Variants in IL1RAPL2 observed in about 807,000 individuals in gnomAD.
IL1RAPL2 encodes the protein X-linked interleukin-1 receptor accessory protein-like 2.
Under a neutral mutation model 44.1 loss-of-function variants are expected in IL1RAPL2, and 3 were observed. The ratio of observed to expected loss-of-function variants is 0.07; its 90% confidence interval spans 0.03 to 0.18. The LOEUF (loss-of-function observed/expected upper bound fraction) is 0.18. IL1RAPL2 is among the 10% of genes least tolerant of loss of function. The probability of loss-of-function intolerance (pLI) is 1.00; values close to 1 mark genes in which losing one functional copy is unlikely to be tolerated. For synonymous variants in IL1RAPL2, 181 were observed against 178.8 expected, an observed-to-expected ratio of 1.01 and a Z score of -0.10; for missense variants, 391 against 496.4, an observed-to-expected ratio of 0.79 and a Z score of 2.02.
chrX:105,696,631 T>C (rs2038078656), intron 6 of IL1RAPL2, among the ~76,000 whole-genome samples: 1 of 111,138 alleles, frequency 9.0e-6, no homozygotes, highest in African/African-American at 3.3e-5. Context: ...AATCCATCCA[T>C]GAGGGAATTT....
intron 2 of IL1RAPL2, among the ~76,000 whole-genome samples, chrX:105,086,005 G>C (rs2032474798): frequency 9.0e-6 from 1 of 111,399 alleles, no homozygotes; most frequent in Admixed American, 9.6e-5. Context: ...AGGAGGAAGA[G>C]GAGGGGGTTG....
chrX:104,693,188 T>C (rs1201816983), intron 2 of IL1RAPL2, among the ~76,000 whole-genome samples: 1 of 112,041 alleles, frequency 8.9e-6, no homozygotes, highest in Non-Finnish European at 1.9e-5. Context: ...CATCTCTTTT[T>C]CGTCATCATC....
intron 6 of IL1RAPL2, among the ~76,000 whole-genome samples, chrX:105,519,224 T>C (rs990870866): frequency 1.8e-5 from 2 of 111,514 alleles, no homozygotes; most frequent in African/African-American, 6.5e-5. Flanking sequence ...CACGTGTATA[T>C]TGGGGAATAA....
intron 2 of IL1RAPL2, among the ~76,000 whole-genome samples, chrX:104,661,802 T>C (rs1050271722): frequency 1.8e-5 from 2 of 111,997 alleles, no homozygotes; most frequent in Non-Finnish European, 3.8e-5. Flanking sequence ...CTCGCATGGA[T>C]GTTCATCATG....
In IL1RAPL2 at chrX:104,838,945, G is replaced by C. The variant is rs775161394; in HGVS notation, c.82+179950G>C. ...ACTCACTGCAATCTCTGCCTCCTAG[G>C]TTCAAGTGATTCTCCTGCCTCTGCC... On this transcript the variant is annotated intron_variant, in intron 2 of 10. Coordinates refer to ENST00000372582, the MANE Select transcript of IL1RAPL2 (RefSeq NM_017416.2). 1.3e-4 allele frequency among the ~76,000 whole-genome samples: 13 copies of C among 101,795 alleles called. No homozygotes were observed. The East Asian group carries it at 4.0e-3, about 32-fold the overall frequency. The allele number at this position is 101,795 out of a possible 115,157, so 88.4% of individuals were successfully genotyped here. A position where few individuals can be genotyped will look rare whatever the true frequency, so the allele number is the denominator to read the frequency against.
At chrX:104,638,512 A>G (rs1929871336) in intron 1 of IL1RAPL2, among the ~76,000 whole-genome samples, 1 of 111,954 alleles carries the variant, frequency 8.9e-6, no homozygotes. Context: ...TAAACTTCTT[A>G]GCATTACATT....
intron 1 of IL1RAPL2, among the ~76,000 whole-genome samples, chrX:104,624,325 A>C (rs754591042): frequency 9.0e-6 from 1 of 111,354 alleles, no homozygotes; most frequent in East Asian, 2.8e-4. Flanking sequence ...CAACGCATGT[A>C]ATAGGTATAG....
chrX:105,124,131 G>T (rs1194674882), intron 2 of IL1RAPL2, among the ~76,000 whole-genome samples: 2 of 111,377 alleles, frequency 1.8e-5, no homozygotes, highest in Admixed American at 9.5e-5. Flanking sequence ...CTGCTAAAGT[G>T]CTTAACTGGT....
At chrX:105,374,329 G>A (rs1186491570) in intron 5 of IL1RAPL2, among the ~76,000 whole-genome samples, 6 of 109,579 alleles carry the variant, frequency 5.5e-5, no homozygotes. Context: ...CCCTTTTTTG[G>A]TTTCGTATGA....
At chrX:104,690,987 T>C (rs942525338) in intron 2 of IL1RAPL2, among the ~76,000 whole-genome samples, 1 of 111,567 alleles carries the variant, frequency 9.0e-6, no homozygotes, top group Non-Finnish European at 1.9e-5. Context: ...TCATTTGTAA[T>C]TGGTTAATGT....
chrX:105,337,889 TCACACACA>T (rs748127601), intron 5 of IL1RAPL2, among the ~76,000 whole-genome samples: 7,942 of 104,655 alleles, frequency 0.076, 774 homozygotes, highest in African/African-American at 0.27. Flanking sequence ...AGACTCCATC[TCACACACA>T]CACACACACA....
At position 104,844,719 on chromosome X, in the gene IL1RAPL2, C is replaced by T. The variant is rs185072894; in HGVS notation, c.82+185724C>T. 1.2e-4 allele frequency among the ~76,000 whole-genome samples: 13 copies of T among 112,082 alleles called. No individual in the cohort carries two copies. The South Asian group carries it at 2.6e-3, about 22-fold the overall frequency. On this transcript the variant is annotated intron_variant, in intron 2 of 10. Transcript: ENST00000372582. ...ACCATCTTGGGCTGCATGTGGTCCA[C>T]GGGTCGCAAGTTGGACAACCTTGAT...
intron 6 of IL1RAPL2, among the ~76,000 whole-genome samples, chrX:105,524,209 G>A (rs1262484999): frequency 9.0e-6 from 1 of 111,473 alleles, no homozygotes; most frequent in Admixed American, 9.6e-5. Context: ...TTCATGGTAT[G>A]TTACCATAAC....
intron 4 of IL1RAPL2, among the ~76,000 whole-genome samples, chrX:105,266,613 G>A (rs1166843766): frequency 9.0e-6 from 1 of 111,489 alleles, no homozygotes; most frequent in Non-Finnish European, 1.9e-5. Context: ...GTCCAATCTT[G>A]GTAGCAAGAT....
intron 7 of IL1RAPL2, among the ~76,000 whole-genome samples, chrX:105,735,674 G>A (rs926213065): frequency 9.0e-6 from 1 of 111,285 alleles, no homozygotes; most frequent in Non-Finnish European, 1.9e-5. Flanking sequence ...GTACCACCCT[G>A]CTTTGCCTTA....
intron 5 of IL1RAPL2, among the ~76,000 whole-genome samples, chrX:105,453,146 AC>A (rs201285124): frequency 0.026 from 2,934 of 111,425 alleles, 62 homozygotes; most frequent in Non-Finnish European, 0.039. Context: ...GAATCTCTCC[AC>A]CCCACTCCCC....
intron 2 of IL1RAPL2, among the ~76,000 whole-genome samples, chrX:104,999,785 C>T (rs2030819647): frequency 9.0e-6 from 1 of 111,123 alleles, no homozygotes; most frequent in Admixed American, 9.6e-5. Context: ...CCCCAAACTT[C>T]CTTTAGTTCT....
intron 5 of IL1RAPL2, among the ~76,000 whole-genome samples, chrX:105,292,701 T>A (rs1372319643): frequency 1.8e-5 from 2 of 111,810 alleles, no homozygotes; most frequent in African/African-American, 6.5e-5. Flanking sequence ...ATAATTATAA[T>A]TCATTATTTT....
chrX:105,202,768 T>A (rs2033728439), intron 3 of IL1RAPL2, among the ~76,000 whole-genome samples: 1 of 111,581 alleles, frequency 9.0e-6, no homozygotes, highest in Non-Finnish European at 1.9e-5. Flanking sequence ...TTCATCTTAC[T>A]CGCTTGTGAA....
Sources: gnomAD v4.1 joint callset for allele counts (sites outside exome capture counted in the v4.1 genomes callset) on GRCh38, gnomAD v4.1.1 for gene constraint, MANE v1.5 for transcripts, NCBI Gene and HGNC (gene_info 2026-07-23, HGNC 2026-07-21) for gene names.